Variants in CUX1 observed in about 807,000 individuals in gnomAD.
CUX1 encodes cut like homeobox 1, also known as protein CASP.
Under a neutral mutation model 158.8 loss-of-function variants are expected in CUX1, and 31 were observed. The observed-to-expected ratio is 0.20, with a 90% CI of 0.15 to 0.26. CUX1 has a LOEUF of 0.26. Among genes scored for constraint, CUX1 ranks in the 10% least tolerant of loss-of-function variants. CUX1 has a pLI of 1.00. For missense variants in CUX1, 1,589 were observed against 2,014.6 expected, an observed-to-expected ratio of 0.79 and a Z score of 4.04; for synonymous variants, 879 against 862.1, an observed-to-expected ratio of 1.02 and a Z score of -0.34.
At chr7:101,967,359 CT>C (rs1485370940) in intron 2 of CUX1, among the ~76,000 whole-genome samples, 2 of 152,208 alleles carry the variant, frequency 1.3e-5, no homozygotes, top group African/African-American at 4.8e-5. Context: ...AGCCAAGTGT[CT>C]TTTTCAAAGA....
At chr7:102,204,627 T>C in intron 19 of CUX1, 71 bp downstream of exon 19, 1 of 1,560,326 alleles carries the variant, frequency 6.4e-7, no homozygotes, top group Non-Finnish European at 8.7e-7. Context: ...CAGCCCCACC[T>C]GGGCTATGCA....
chr7:101,965,581 C>T (rs1007793239), intron 2 of CUX1, among the ~76,000 whole-genome samples: 1 of 152,102 alleles, frequency 6.6e-6, no homozygotes, highest in African/African-American at 2.4e-5. Context: ...GGCGCGGTGG[C>T]TCACGCCTGT....
At chr7:101,958,305 C>T (rs751801702) in intron 2 of CUX1, among the ~76,000 whole-genome samples, 4 of 151,894 alleles carry the variant, frequency 2.6e-5, no homozygotes, top group South Asian at 4.2e-4. Context: ...TCAGGAGAGA[C>T]GTAGTGGGGC....
intron 2 of CUX1, among the ~76,000 whole-genome samples, chr7:101,956,109 G>C (rs1809746999): frequency 7.1e-6 from 1 of 141,684 alleles, no homozygotes; most frequent in Non-Finnish European, 1.5e-5. Context: ...GTGAACCCGG[G>C]AGGTGGAGCT....
chr7:102,082,566 T>C (rs1430967260), intron 4 of CUX1, among the ~76,000 whole-genome samples: 1 of 147,182 alleles, frequency 6.8e-6, no homozygotes, highest in African/African-American at 2.4e-5. Flanking sequence ...TCATTTCAAG[T>C]GTGCAGTGTG....
At chr7:101,862,636 C>T (rs1466056190) in intron 1 of CUX1, among the ~76,000 whole-genome samples, 1 of 152,148 alleles carries the variant, frequency 6.6e-6, no homozygotes, top group Non-Finnish European at 1.5e-5. Context: ...GGATTTCACA[C>T]TGACATAATT....
intron 4 of CUX1, among the ~76,000 whole-genome samples, chr7:102,082,601 AG>A (rs1189847313): frequency 6.8e-6 from 1 of 147,320 alleles, no homozygotes; most frequent in Non-Finnish European, 1.5e-5. Flanking sequence ...TTCACAGTCA[AG>A]ATGTAGAACA....
chr7:102,065,149 A>G (rs1438407660), intron 3 of CUX1, among the ~76,000 whole-genome samples: 1 of 151,534 alleles, frequency 6.6e-6, no homozygotes, highest in African/African-American at 2.4e-5. Flanking sequence ...TGGCTCAATC[A>G]TAGCTCACTC....
intron 3 of CUX1, among the ~76,000 whole-genome samples, chr7:102,068,093 T>C (rs1459210566): frequency 6.6e-6 from 1 of 151,656 alleles, no homozygotes; most frequent in Non-Finnish European, 1.5e-5. Flanking sequence ...TTTGTTGTTG[T>C]TGTTGTTGTT....
intron 4 of CUX1, among the ~76,000 whole-genome samples, chr7:102,096,273 A>C (rs1829172006): frequency 6.6e-6 from 1 of 152,230 alleles, no homozygotes; most frequent in Non-Finnish European, 1.5e-5. Flanking sequence ...TGCGGCCGCT[A>C]ACCCCTGACT....
chr7:101,876,012 A>G (rs1046630666), intron 1 of CUX1, among the ~76,000 whole-genome samples: 4 of 152,202 alleles, frequency 2.6e-5, no homozygotes, highest in African/African-American at 9.7e-5. Flanking sequence ...CTGTGGGCTT[A>G]TGTAAACAGA....
intron 20 of CUX1, among the ~76,000 whole-genome samples, chr7:102,220,206 C>G (rs1554526425): frequency 6.6e-6 from 1 of 152,228 alleles, no homozygotes; most frequent in African/African-American, 2.4e-5. Flanking sequence ...ACTAAAAATA[C>G]AAAAATTAGC....
At chr7:102,005,279 A>G (rs1301621123) in intron 2 of CUX1, among the ~76,000 whole-genome samples, 1 of 152,210 alleles carries the variant, frequency 6.6e-6, no homozygotes, top group Admixed American at 6.5e-5. Flanking sequence ...GTAATCCCTG[A>G]GGCAGGCACA....
intron 1 of CUX1, among the ~76,000 whole-genome samples, chr7:101,838,809 A>AG (rs1189337944): frequency 6.6e-6 from 1 of 152,116 alleles, no homozygotes; most frequent in Non-Finnish European, 1.5e-5. Flanking sequence ...GTCTCAAAAA[A>AG]AAAAAATCCA....
chr7:102,230,978 A>G (rs1554530463), intron 21 of CUX1, among the ~76,000 whole-genome samples: 1 of 150,790 alleles, frequency 6.6e-6, no homozygotes, highest in Non-Finnish European at 1.5e-5. Context: ...CTCCCACCTC[A>G]GCCTACTGAG....
intron 19 of CUX1, 108 bp downstream of exon 19, chr7:102,204,664 G>A (rs1795771156): frequency 1.4e-6 from 2 of 1,428,174 alleles, no homozygotes; most frequent in South Asian, 2.7e-5. Flanking sequence ...CTCCGCCCCA[G>A]GAGGTGGCCA....
chr7:101,850,405 T>TTTTCTTTC, intron 1 of CUX1, among the ~76,000 whole-genome samples: 1 of 145,238 alleles, frequency 6.9e-6, no homozygotes, highest in African/African-American at 2.8e-5. Flanking sequence ...CTGGTTTTCT[T>TTTTCTTTC]TTTCTTTCTT....
chr7:102,104,558 A>G, intron 6 of CUX1, 99 bp downstream of exon 6: 3 of 1,482,528 alleles, frequency 2.0e-6, no homozygotes, highest in Admixed American at 2.0e-5. Context: ...AAATAAGCCC[A>G]GGTTGTAACC....
intron 20 of CUX1, among the ~76,000 whole-genome samples, chr7:102,206,932 A>G (rs1226035210): frequency 6.6e-6 from 1 of 152,144 alleles, no homozygotes; most frequent in African/African-American, 2.4e-5. Context: ...TACATAAAAC[A>G]GGAAGTCTCC....
Sources: allele counts gnomAD v4.1 joint callset (sites outside exome capture counted in the v4.1 genomes callset), GRCh38; gene constraint gnomAD v4.1.1; transcripts MANE v1.5; gene names NCBI Gene and HGNC (gene_info 2026-07-23, HGNC 2026-07-21).